Variants in IL1RAPL1 observed in about 807,000 individuals in gnomAD.
IL1RAPL1 encodes the protein interleukin-1 receptor accessory protein-like 1.
A neutral mutation model predicts 48.4 loss-of-function variants in IL1RAPL1; 3 were observed. The observed-to-expected ratio is 0.06, with a 90% CI of 0.03 to 0.16. IL1RAPL1 has a LOEUF of 0.16. Among genes scored for constraint, IL1RAPL1 ranks in the 10% least tolerant of loss-of-function variants. The pLI is 1.00. For synonymous variants in IL1RAPL1, 185 were observed against 187.7 expected (o/e 0.99, Z 0.12); for missense variants, 349 against 530.6 (o/e 0.66, Z 3.36).
intron 3 of IL1RAPL1, among the ~76,000 whole-genome samples, chrX:29,319,160 G>GTCTGTCTGTCTGTCTGTCTGTCTA (rs370282992): frequency 1.3e-4 from 11 of 84,988 alleles, no homozygotes; most frequent in African/African-American, 4.6e-4. Flanking sequence ...CTATCTGTCT[G>GTCTGTCTGTCTGTCTGTCTGTCTA]TCTATCTATC....
intron 5 of IL1RAPL1, among the ~76,000 whole-genome samples, chrX:29,649,402 T>C (rs1302446677): frequency 8.9e-6 from 1 of 111,896 alleles, no homozygotes; most frequent in Admixed American, 9.5e-5. Context: ...ATTTACATGA[T>C]CAATTGAGAT....
chrX:29,022,096 T>C (rs1926383531), intron 2 of IL1RAPL1, among the ~76,000 whole-genome samples: 1 of 111,744 alleles, frequency 8.9e-6, no homozygotes, highest in African/African-American at 3.3e-5. Flanking sequence ...CATTTGCACC[T>C]TCACCAGCTC....
At chrX:29,551,077 G>C (rs748067725) in intron 5 of IL1RAPL1, among the ~76,000 whole-genome samples, 1 of 112,004 alleles carries the variant, frequency 8.9e-6, no homozygotes, top group African/African-American at 3.2e-5. Flanking sequence ...TTGTCTTTTT[G>C]GGTACTGGCA....
intron 1 of IL1RAPL1, among the ~76,000 whole-genome samples, chrX:28,779,686 G>A (rs1936400757): frequency 1.3e-5 from 1 of 77,572 alleles, no homozygotes; most frequent in African/African-American, 4.6e-5. Flanking sequence ...ATAGAATGTG[G>A]AAAGATTGAA....
chrX:29,415,284 T>G (rs1436879440), intron 5 of IL1RAPL1, among the ~76,000 whole-genome samples: 3 of 112,161 alleles, frequency 2.7e-5, no homozygotes, highest in Non-Finnish European at 5.6e-5. Context: ...TTCTTTATGG[T>G]TTAATAAGTG....
intron 5 of IL1RAPL1, among the ~76,000 whole-genome samples, chrX:29,582,084 G>A (rs1260366740): frequency 9.0e-6 from 1 of 111,437 alleles, no homozygotes; most frequent in Non-Finnish European, 1.9e-5. Context: ...AGGTATTCCA[G>A]TATTTTTAGT....
intron 5 of IL1RAPL1, among the ~76,000 whole-genome samples, chrX:29,620,965 TTAAATA>T (rs1231341854): frequency 8.9e-6 from 1 of 112,092 alleles, no homozygotes; most frequent in African/African-American, 3.2e-5. Flanking sequence ...AGAACCTTCT[TTAAATA>T]GAAAGAATTC....
intron 5 of IL1RAPL1, among the ~76,000 whole-genome samples, chrX:29,536,296 G>A (rs1249235449): frequency 8.9e-6 from 1 of 111,837 alleles, no homozygotes; most frequent in Non-Finnish European, 1.9e-5. Flanking sequence ...TTACAAATGA[G>A]ATATGTATGG....
intron 6 of IL1RAPL1, among the ~76,000 whole-genome samples, chrX:29,906,356 A>ACAACAACAAC (rs1569199584): frequency 4.2e-5 from 4 of 95,989 alleles, no homozygotes; most frequent in East Asian, 3.3e-4. Context: ...CAAACAACAA[A>ACAACAACAAC]AAAAAAAACA....
At chrX:28,959,591 C>T (rs1015425271) in intron 2 of IL1RAPL1, among the ~76,000 whole-genome samples, 1 of 111,607 alleles carries the variant, frequency 9.0e-6, no homozygotes, top group African/African-American at 3.2e-5. Context: ...ATACTTAATA[C>T]AAATATGTTT....
chrX:29,220,867 C>T (rs1930960336), intron 2 of IL1RAPL1, among the ~76,000 whole-genome samples: 1 of 111,979 alleles, frequency 8.9e-6, no homozygotes, highest in Non-Finnish European at 1.9e-5. Context: ...AGACATTCTG[C>T]ATCAGTTGGT....
chrX:29,353,610 A>G (rs1323062072), intron 3 of IL1RAPL1, among the ~76,000 whole-genome samples: 1 of 111,126 alleles, frequency 9.0e-6, no homozygotes, highest in African/African-American at 3.3e-5. Flanking sequence ...CTGAAACTTT[A>G]TGATTTCTTT....
chrX:29,280,256 G>T (rs1411597525), intron 2 of IL1RAPL1, among the ~76,000 whole-genome samples: 2 of 111,722 alleles, frequency 1.8e-5, no homozygotes, highest in Non-Finnish European at 1.9e-5. Flanking sequence ...GTTTAACGTG[G>T]TATGCCAGCT....
At chrX:28,766,013 G>C (rs1368886696) in intron 1 of IL1RAPL1, among the ~76,000 whole-genome samples, 2 of 111,453 alleles carry the variant, frequency 1.8e-5, no homozygotes, top group African/African-American at 3.3e-5. Flanking sequence ...TAGCATGTCT[G>C]TACCCAATAG....
chrX:28,985,863 G>A (rs1177983608), intron 2 of IL1RAPL1, among the ~76,000 whole-genome samples: 1 of 110,355 alleles, frequency 9.1e-6, no homozygotes, highest in Non-Finnish European at 1.9e-5. Flanking sequence ...GTTTCACTGT[G>A]TTAGCCAGGA....
chrX:29,909,954 A>G (rs1407164743), intron 6 of IL1RAPL1, among the ~76,000 whole-genome samples: 1 of 111,548 alleles, frequency 9.0e-6, no homozygotes, highest in Non-Finnish European at 1.9e-5. Flanking sequence ...AGACACATGC[A>G]TGCGTACGTT....
At chrX:28,690,251 G>A (rs973804459) in intron 1 of IL1RAPL1, among the ~76,000 whole-genome samples, 1 of 111,608 alleles carries the variant, frequency 9.0e-6, no homozygotes, top group African/African-American at 3.3e-5. Flanking sequence ...AATGGCTTCC[G>A]GGGTCTGTTA....
intron 1 of IL1RAPL1, among the ~76,000 whole-genome samples, chrX:28,673,392 C>T (rs908583185): frequency 5.4e-5 from 6 of 111,756 alleles, no homozygotes; most frequent in Non-Finnish European, 9.4e-5. Context: ...CTATAAAAAC[C>T]CTGGAAGACA....
intron 1 of IL1RAPL1, among the ~76,000 whole-genome samples, chrX:28,771,119 CA>C (rs1288150567): frequency 9.0e-6 from 1 of 111,459 alleles, no homozygotes; most frequent in Non-Finnish European, 1.9e-5. Context: ...GAGTCAAGCC[CA>C]AGACTTAGGA....
Sources: allele counts gnomAD v4.1 joint callset (sites outside exome capture counted in the v4.1 genomes callset), GRCh38; gene constraint gnomAD v4.1.1; transcripts MANE v1.5; gene names NCBI Gene and HGNC (gene_info 2026-07-23, HGNC 2026-07-21).